The following PCDHGA8 variants were observed in gnomAD, a reference collection of about 807,000 sequenced individuals.
PCDHGA8 encodes protocadherin gamma subfamily A, 8.
In PCDHGA8, 45 loss-of-function variants were observed where a neutral mutation model predicts 59.2. The observed-to-expected ratio is 0.76, with a 90% confidence interval of 0.60 to 0.98. The LOEUF (loss-of-function observed/expected upper bound fraction) is 0.98, where lower values mean the gene tolerates loss of function less well. Among genes scored for constraint, PCDHGA8 ranks in the 50% least tolerant of loss-of-function variants. PCDHGA8 has a pLI of 0.00. For missense variants in PCDHGA8, 1,257 were observed against 1,196.2 expected, an observed-to-expected ratio of 1.05 and a Z score of -0.75; for synonymous variants, 531 against 519.0, an observed-to-expected ratio of 1.02 and a Z score of -0.32.
At chr5:141,413,979 C>T in intron 1 of PCDHGA8, 1 of 1,613,394 alleles carries the variant, frequency 6.2e-7, no homozygotes, top group Non-Finnish European at 8.5e-7. Flanking sequence ...TGCTGACAGT[C>T]ACAGCCACCG....
chr5:141,491,034 T>A lies in PCDHGA8; in HGVS notation c.2425-3773T>A. On this transcript the variant is annotated intron_variant, in intron 1 of 3. Coordinates refer to ENST00000398604, the MANE Select transcript of PCDHGA8 (RefSeq NM_032088.2). This position sits in a 1 kb window ranked among gnomAD's most constrained non-coding sequence, Gnocchi z 6.9. ...CCAAGGTGACAGCCGTGGATGCTGA[T>A]GCAGGCCACAATGCGTGGCTCTCCT... 1 of 1,614,170 alleles carries A rather than the reference T, an allele frequency of 6.2e-7. No individual in the cohort carries two copies. Among genetic ancestry groups the A allele is most frequent in the African/African-American group, 1.3e-5 (1 of 75,074 alleles).
At chr5:141,510,799 C>G in intron 3 of PCDHGA8, 148 bp from the exon 4 acceptor site, 1 of 1,481,460 alleles carries the variant, frequency 6.8e-7, no homozygotes. Context: ...TGAAGAGAGA[C>G]TACCTTGGTG....
rs2099389707 is a variant in PCDHGA8, at chr5:141,476,358, G to A, written c.2425-18449G>A. On this transcript the variant is annotated intron_variant, in intron 1 of 3. Transcript: ENST00000398604. This position sits in a 1 kb window ranked among gnomAD's most constrained non-coding sequence, Gnocchi z 7.6. ...AGCCGAAGATTCTTTGAGGTGAACC[G>A]GGAGACCGGAGAGATGTTTGTGAAC... 6.2e-7 allele frequency: 1 copy of A among 1,614,134 alleles called. No individual in the cohort carries two copies. The highest frequency in any genetic ancestry group is 8.5e-7 in the Non-Finnish European group (1 of 1,180,022).
At chr5:141,478,396 G>GT in intron 1 of PCDHGA8, 1 of 1,613,564 alleles carries the variant, frequency 6.2e-7, no homozygotes, top group Non-Finnish European at 8.5e-7. Flanking sequence ...ACCATCAGGT[G>GT]TATCTCACCA....
intron 1 of PCDHGA8, among the ~76,000 whole-genome samples, chr5:141,437,556 T>C (rs1427506223): frequency 6.6e-6 from 1 of 152,228 alleles, no homozygotes; most frequent in African/African-American, 2.4e-5. Context: ...CTTTATGACA[T>C]GTAACAGAGT....
chr5:141,392,777 A>T lies in PCDHGA8; in HGVS notation c.-37A>T, dbSNP rs1226924811. The T allele has an allele frequency of 6.5e-7, 1 of 1,529,322 alleles. No individual in the cohort carries two copies. Among genetic ancestry groups the T allele is most frequent in the Admixed American group, 2.2e-5 (1 of 46,176 alleles). The allele number at this position is 1,529,322 out of a possible 1,614,324, so 94.7% of individuals were successfully genotyped here. A position where few individuals can be genotyped will look rare whatever the true frequency, so the allele number is the denominator to read the frequency against. On this transcript the variant is annotated 5_prime_UTR_variant, in exon 1 of 4. Transcript: ENST00000398604. ...AACTAAATAAGACCCATTTATGCAC[A>T]GTGAAGATTCTGAGAGGATTCTGCA... is the stretch of plus-strand genomic sequence containing the variant.
intron 1 of PCDHGA8, chr5:141,399,076 G>A (rs767415619): frequency 1.2e-6 from 2 of 1,613,850 alleles, no homozygotes; most frequent in Non-Finnish European, 1.7e-6. Flanking sequence ...GGTTGTAGAA[G>A]GGAGGGATGG....
intron 2 of PCDHGA8, among the ~76,000 whole-genome samples, chr5:141,499,301 TC>T (rs771049830): frequency 6.6e-6 from 1 of 152,166 alleles, no homozygotes; most frequent in Non-Finnish European, 1.5e-5. Context: ...CTACCATCCC[TC>T]CTCTGAGAGA....
chr5:141,404,159 A>C, intron 1 of PCDHGA8: 1 of 1,613,114 alleles, frequency 6.2e-7, no homozygotes, highest in South Asian at 1.1e-5. Flanking sequence ...AGATTATTAC[A>C]GATTGTTGAC....
chr5:141,494,449 G>A (rs185095384), intron 1 of PCDHGA8, among the ~76,000 whole-genome samples: 2 of 152,254 alleles, frequency 1.3e-5, no homozygotes, highest in East Asian at 3.9e-4. Flanking sequence ...CACTTTAGGG[G>A]GCTTTGTCTG....
At position 141,419,527 on chromosome 5, in the gene PCDHGA8, C is replaced by G. The variant is rs755936657; in HGVS notation, c.2424+24290C>G. ...TGCGCGTGTTGGTGGGCGACCGTAA[C>G]GACAACGCACCGCGGGTGCTGTACC... is the stretch of plus-strand genomic sequence containing the variant. On this transcript the variant is annotated intron_variant, in intron 1 of 3. Transcript: ENST00000398604. The G allele has an allele frequency of 6.8e-5, 110 of 1,612,064 alleles. 2 individuals carry two copies. In the South Asian group the frequency reaches 9.6e-4, roughly 14 times the overall value.
chr5:141,492,942 G>A (rs897160295), intron 1 of PCDHGA8, among the ~76,000 whole-genome samples: 3 of 152,220 alleles, frequency 2.0e-5, no homozygotes, highest in African/African-American at 7.2e-5. Context: ...GAGATTTGGA[G>A]GTGACCAAAC....
At chr5:141,502,093 G>C (rs1037154464) in intron 2 of PCDHGA8, among the ~76,000 whole-genome samples, 27 of 152,112 alleles carry the variant, frequency 1.8e-4, no homozygotes, top group Admixed American at 1.7e-3. Flanking sequence ...AGAACACCTG[G>C]CCTTGACCCT....
At position 141,489,474 on chromosome 5, in the gene PCDHGA8, C is replaced by T. The variant is rs772297075; in HGVS notation, c.2425-5333C>T. On this transcript the variant is annotated intron_variant, in intron 1 of 3. Transcript: ENST00000398604. The surrounding 1 kb of genome is among the most constrained non-coding windows in gnomAD (Gnocchi z 4.5). ...AGAATGGGCGCTATTTTTCCCTGAG[C>T]TTGATGAGTGGTGCCCTGGCAGTGA... 6.2e-7 allele frequency: 1 copy of T among 1,614,108 alleles called. No individual in the cohort carries two copies. The highest frequency in any genetic ancestry group is 8.5e-7 in the Non-Finnish European group (1 of 1,180,034).
At chr5:141,415,151 C>G in intron 1 of PCDHGA8, 2 of 1,613,814 alleles carry the variant, frequency 1.2e-6, no homozygotes, top group Non-Finnish European at 1.7e-6. Flanking sequence ...CCCCCTCTCT[C>G]CGCCACTGTC....
In PCDHGA8 at chr5:141,405,262, C is replaced by A. The variant is rs1352663124; in HGVS notation, c.2424+10025C>A. ...ACTCAAGGAAGAGTCACCTGATCTT[C>A]CCCCAGCCCAACTATGCAGACACAC... On this transcript the variant is annotated intron_variant, in intron 1 of 3. Coordinates refer to ENST00000398604, the MANE Select transcript of PCDHGA8 (RefSeq NM_032088.2). The A allele has an allele frequency of 2.5e-6, 4 of 1,614,012 alleles. No individual in the cohort carries two copies. In the African/African-American group the frequency reaches 5.3e-5, roughly 22 times the overall value.
intron 1 of PCDHGA8, chr5:141,413,440 A>G (rs4912751): frequency 0.46 from 738,760 of 1,613,878 alleles, 177,316 homozygotes; most frequent in African/African-American, 0.83. Flanking sequence ...CGGCAGCTTG[A>G]TCACCGCGGG....
chr5:141,415,920 G>T, intron 1 of PCDHGA8: 1 of 692,798 alleles, frequency 1.4e-6, no homozygotes, highest in Non-Finnish European at 2.0e-6. Context: ...AGAAGTGCCT[G>T]TCAATTTATA....
In PCDHGA8 at chr5:141,511,364, T is replaced by C. The variant is rs115159796; in HGVS notation, c.*191T>C. The C allele has an allele frequency of 4.6e-4, 610 of 1,317,098 alleles. 5 individuals are homozygous for C. In the African/African-American group the frequency reaches 7.1e-3, roughly 15 times the overall value. The allele number at this position is 1,317,098 out of a possible 1,614,324, so 81.6% of individuals were successfully genotyped here. On this transcript the variant is annotated 3_prime_UTR_variant, in exon 4 of 4. Coordinates refer to ENST00000398604, the MANE Select transcript of PCDHGA8 (RefSeq NM_032088.2). ...ACCCCTTCCCCCCCAGGGGGTTGAA[T>C]ATGCAAAAGCAGTTCCGCTGGGAAC...
Sources: gnomAD v4.1 joint callset for allele counts (sites outside exome capture counted in the v4.1 genomes callset) on GRCh38, gnomAD v4.1.1 for gene constraint, Gnocchi (gnomAD v3.1) non-coding constraint, MANE v1.5 for transcripts, NCBI Gene and HGNC (gene_info 2026-07-23, HGNC 2026-07-21) for gene names.